Variants in NEMF observed in about 807,000 individuals in gnomAD.
The protein encoded by NEMF is ribosome quality control complex subunit NEMF.
Under a neutral mutation model 162.2 loss-of-function variants are expected in NEMF, and 89 were observed. That is an observed-to-expected ratio of 0.55 (90% confidence interval 0.46 to 0.65). The LOEUF is 0.65. Ranked by LOEUF, NEMF falls within the 30% of genes least tolerant of loss-of-function variation. The pLI is 0.00. For synonymous variants in NEMF, 421 were observed against 404.5 expected (o/e 1.04, Z -0.49); for missense variants, 1,133 against 1,261.9 (o/e 0.90, Z 1.55).
intron 22 of NEMF, chr14:49,800,923 G>A (rs2139857939): frequency 2.1e-6 from 1 of 469,396 alleles, no homozygotes; most frequent in Non-Finnish European, 3.8e-6. Flanking sequence ...TAAATTTCTT[G>A]GACATTGCTA....
In NEMF at chr14:49,803,224, G is replaced by A. The variant is rs1891034340; in HGVS notation, c.1915+13C>T. On this transcript the variant is annotated intron_variant, in intron 20 of 32. Coordinates refer to ENST00000298310, the MANE Select transcript of NEMF (RefSeq NM_004713.6). Reference sequence around the variant, plus strand: ...TGACAAGTCTAGTGATATTTTTCCTGTCAAGACATTACCTCTTATCATGAA... The same window carrying A: ...TGACAAGTCTAGTGATATTTTTCCTATCAAGACATTACCTCTTATCATGAA... The A allele has an allele frequency of 6.3e-7, 1 of 1,589,956 alleles. No individual in the cohort carries two copies. Among genetic ancestry groups the A allele is most frequent in the African/African-American group, 1.3e-5 (1 of 74,520 alleles).
At position 49,808,484 on chromosome 14, in the gene NEMF, TTTTTAA is replaced by T. The variant is rs1229628904; in HGVS notation, c.1745-2357_1745-2352del. On this transcript the variant is annotated intron_variant, in intron 18 of 32. Coordinates refer to ENST00000298310, the MANE Select transcript of NEMF (RefSeq NM_004713.6). ...GCCACCGTGCCGGGCTGAATTAAGG[TTTTTAA>T]TTTTATGTCTAACTTACCTGTTTTT... 2.6e-5 allele frequency among the ~76,000 whole-genome samples: 4 copies of T among 152,202 alleles called. No homozygotes were observed. The East Asian group carries it at 7.7e-4, about 29-fold the overall frequency.
rs75277784 is a variant in NEMF at position 49,846,274 on chromosome 14, A to G, written c.232-9T>C. 1,446 of 1,608,234 alleles carry G rather than the reference A, an allele frequency of 9.0e-4. 12 individuals carry two copies. The African/African-American group carries it at 0.017, about 19-fold the overall frequency. On this transcript the variant is annotated splice_polypyrimidine_tract_variant and intron_variant, in intron 3 of 32. Coordinates refer to ENST00000298310, the MANE Select transcript of NEMF (RefSeq NM_004713.6). ...TTCAAATGTTTTCGGCACTAGCAAG[A>G]GAAAGAAAAAGGCATTCATTTAGTA...
intron 18 of NEMF, among the ~76,000 whole-genome samples, chr14:49,806,574 C>T (rs1891228081): frequency 6.6e-6 from 1 of 151,592 alleles, no homozygotes; most frequent in Non-Finnish European, 1.5e-5. Context: ...AATCACATAT[C>T]TTAAATACTA....
chr14:49,794,132 C>T (rs1323869037), intron 26 of NEMF, among the ~76,000 whole-genome samples: 2 of 152,060 alleles, frequency 1.3e-5, no homozygotes, highest in Non-Finnish European at 2.9e-5. Context: ...TTTTTTCTGT[C>T]TAGCTATTCC....
chr14:49,806,230 G>GTGTATGTA, intron 18 of NEMF, 97 bp from the exon 19 acceptor site: 1 of 104,214 alleles, frequency 9.6e-6, no homozygotes. Flanking sequence ...TCAATGATAT[G>GTGTATGTA]TGTATATATA....
chr14:49,803,312 A>G lies in NEMF; in HGVS notation c.1858-18T>C, dbSNP rs1300492888. Reference sequence around the variant, plus strand: ...TTAGATACCTGAAGAACACAATAATACATTATATTCTTATTTAAAAAAATA... The same window carrying G: ...TTAGATACCTGAAGAACACAATAATGCATTATATTCTTATTTAAAAAAATA... On this transcript the variant is annotated intron_variant, in intron 19 of 32. Coordinates refer to ENST00000298310, the MANE Select transcript of NEMF (RefSeq NM_004713.6). The G allele has an allele frequency of 1.3e-6, 2 of 1,542,120 alleles. No individual in the cohort carries two copies. Among genetic ancestry groups the G allele is most frequent in the Admixed American group, 3.4e-5 (2 of 58,520 alleles).
At chr14:49,848,399 C>T (rs888531293) in intron 3 of NEMF, among the ~76,000 whole-genome samples, 3 of 152,030 alleles carry the variant, frequency 2.0e-5, no homozygotes, top group Non-Finnish European at 2.9e-5. Flanking sequence ...TTACATGTAC[C>T]GTCTTTTTGT....
In NEMF at chr14:49,804,627, T is replaced by C. The variant is rs578033974; in HGVS notation, c.1858-1333A>G. Among the ~76,000 whole-genome samples, 11 of 150,310 alleles carry C rather than the reference T, an allele frequency of 7.3e-5. No individual in the cohort carries two copies. In the South Asian group the frequency reaches 1.7e-3, roughly 23 times the overall value. On this transcript the variant is annotated intron_variant, in intron 19 of 32. Transcript: ENST00000298310. ...GTTGCAGTGAGCCGAGATCACGCCA[T>C]TGCATTCTAGCCTGGGTGACAGAGC...
chr14:49,838,365 A>G (rs887433755), intron 5 of NEMF, among the ~76,000 whole-genome samples, 159 bp from the exon 6 acceptor site: 3 of 152,316 alleles, frequency 2.0e-5, no homozygotes, highest in African/African-American at 7.2e-5. Context: ...ATGGATCATA[A>G]AAGATATTTA....
Position 49,806,071 on chromosome 14 carries a change from C to A in NEMF, c.1807G>T (p.Ala603Ser). The change falls in exon 19 of 33, where the codon GCT becomes TCT. Residue 603 changes from alanine (A) to serine (S), a missense_variant. Transcript: ENST00000298310. ...CTAGTGATAACTCGTGCATCCCAAG[C>A]AGCACTGTAGCAAAGTGCCATTGTG... ...AGTMALCYSA[A>S]WDARVITSAW... 5 of 1,611,772 alleles carry A rather than the reference C, an allele frequency of 3.1e-6. No homozygotes were observed. The highest frequency in any genetic ancestry group is 1.7e-4 in the Middle Eastern group (1 of 6,056).
intron 6 of NEMF, among the ~76,000 whole-genome samples, chr14:49,837,764 T>A (rs117890030): frequency 6.7e-6 from 1 of 149,280 alleles, no homozygotes; most frequent in Non-Finnish European, 1.5e-5. Context: ...AAAATGCTTA[T>A]TGGGATCAAA....
At chr14:49,848,748 T>C (rs1012729642) in intron 3 of NEMF, among the ~76,000 whole-genome samples, 1 of 143,414 alleles carries the variant, frequency 7.0e-6, no homozygotes, top group Non-Finnish European at 1.5e-5. Flanking sequence ...GACACGAGAA[T>C]CACTTGAACC....
chr14:49,816,621 G>A lies in NEMF; in HGVS notation c.1578-1764C>T, dbSNP rs11622559. Among the ~76,000 whole-genome samples the A allele has an allele frequency of 4.1e-3, 629 of 152,328 alleles. 2 individuals are homozygous for A. Among genetic ancestry groups the A allele is most frequent in the Non-Finnish European group, 7.7e-3 (525 of 68,028 alleles). ...CTTTCTCTTTATTTCTCAGCTGGCT[G>A]ACACTTAAGGAAAATAGAAAGAACC... On this transcript the variant is annotated intron_variant, in intron 16 of 32. Coordinates refer to ENST00000298310, the MANE Select transcript of NEMF (RefSeq NM_004713.6).
chr14:49,852,618 G>T (rs1442653891), intron 1 of NEMF, 77 bp downstream of exon 1: 1 of 1,473,230 alleles, frequency 6.8e-7, no homozygotes, highest in Non-Finnish European at 9.5e-7. Context: ...ATATCAAGCT[G>T]GTCTGTTTGC....
intron 11 of NEMF, among the ~76,000 whole-genome samples, 195 bp from the exon 12 acceptor site, chr14:49,829,621 C>G (rs927070712): frequency 7.9e-5 from 12 of 152,128 alleles, no homozygotes; most frequent in African/African-American, 2.9e-4. Flanking sequence ...TCCTGTCTTC[C>G]TAACTCCCAC....
chr14:49,852,785 C>T lies in NEMF; in HGVS notation c.-32G>A. The T allele has an allele frequency of 3.1e-6, 5 of 1,612,948 alleles. No homozygotes were observed. In the South Asian group the frequency reaches 3.3e-5, roughly 11 times the overall value. On this transcript the variant is annotated 5_prime_UTR_variant, in exon 1 of 33. Transcript: ENST00000298310. ...GCCCGAGGGTCACTACCGCAAGTTC[C>T]TCTACTGCCCGGCCGGACTCGACGC... is the stretch of plus-strand genomic sequence containing the variant.
chr14:49,851,647 T>C lies in NEMF; in HGVS notation c.147A>G (p.Thr49=), dbSNP rs571941192. 1.7e-5 allele frequency: 28 copies of C among 1,613,890 alleles called. No homozygotes were observed. The African/African-American group carries it at 3.1e-4, about 18-fold the overall frequency. ...IRLQKPDFKA[T]LLLESGIRIH... is the part of the protein sequence containing the mutation. ...TTCGTATGCCAGATTCAAGTAAAAG[T>C]GTAGCTTTAAAGTCCGGTCTGTAGA... The change falls in exon 3 of 33, where the codon ACA becomes ACG. Residue 49 remains threonine (T), a synonymous_variant. Coordinates refer to ENST00000298310, the MANE Select transcript of NEMF (RefSeq NM_004713.6).
chr14:49,831,397 AG>A (rs1262921948), intron 10 of NEMF, 36 bp from the exon 11 acceptor site: 6 of 1,279,980 alleles, frequency 4.7e-6, no homozygotes, highest in Non-Finnish European at 6.8e-6. Context: ...TGGAAAAAAA[AG>A]CACAGTCTCT....
Sources: allele counts gnomAD v4.1 joint callset (sites outside exome capture counted in the v4.1 genomes callset), GRCh38; gene constraint gnomAD v4.1.1; transcripts MANE v1.5; gene names NCBI Gene and HGNC (gene_info 2026-07-23, HGNC 2026-07-21).